Variants in TANGO6 observed in about 807,000 individuals in gnomAD.
TANGO6 encodes the protein transport and Golgi organization protein 6 homolog.
Under a neutral mutation model 114.2 loss-of-function variants are expected in TANGO6, and 90 were observed. The observed-to-expected ratio is 0.79, with a 90% CI of 0.66 to 0.94. The LOEUF is 0.94. Ranked by LOEUF, TANGO6 falls within the 40% of genes least tolerant of loss-of-function variation. TANGO6 has a pLI of 0.00. For missense variants in TANGO6, 1,274 were observed against 1,315.3 expected, an observed-to-expected ratio of 0.97 and a Z score of 0.49; for synonymous variants, 477 against 509.8, an observed-to-expected ratio of 0.94 and a Z score of 0.87.
chr16:68,916,277 C>T (rs1421052035), intron 11 of TANGO6, among the ~76,000 whole-genome samples: 1 of 152,112 alleles, frequency 6.6e-6, no homozygotes, highest in Admixed American at 6.5e-5. Flanking sequence ...TGAGCTTTAC[C>T]ACCTGAGCGC....
At chr16:69,005,568 C>G (rs1292369392) in intron 15 of TANGO6, among the ~76,000 whole-genome samples, 1 of 152,100 alleles carries the variant, frequency 6.6e-6, no homozygotes, top group Non-Finnish European at 1.5e-5. Context: ...GAGGCCAAGG[C>G]AGGTGTATCA....
intron 1 of TANGO6, among the ~76,000 whole-genome samples, chr16:68,851,624 A>T (rs528312026): frequency 1.3e-5 from 2 of 152,206 alleles, no homozygotes; most frequent in Admixed American, 6.5e-5. Context: ...ACTGCAATGA[A>T]TAGTCTTGTA....
intron 17 of TANGO6, among the ~76,000 whole-genome samples, chr16:69,061,746 G>A (rs753882647): frequency 1.6e-4 from 24 of 152,100 alleles, no homozygotes; most frequent in Non-Finnish European, 3.1e-4. Flanking sequence ...GGCCGGGCGC[G>A]CGGTGGCTCA....
At chr16:69,083,344 C>T in intron 17 of TANGO6, 141 bp from the exon 18 acceptor site, 1 of 1,080,640 alleles carries the variant, frequency 9.3e-7, no homozygotes. Context: ...CAGGCATGAG[C>T]CACTGCACCC....
rs61743006 is a variant in TANGO6, at chr16:68,875,212, C to A, written c.1053C>A (p.Asp351Glu). The A allele has an allele frequency of 4.8e-4, 770 of 1,613,676 alleles. 3 individuals are homozygous for A. In the African/African-American group the frequency reaches 8.1e-3, roughly 17 times the overall value. ...CGGCTGCTGACTGGAAGAAGTGTGA[C>A]CTGATCGCAAAGATTTTGGCCTCTT... is the stretch of plus-strand genomic sequence containing the variant. ...EVTAADWKKC[D>E]LIAKILASCP... Residue 351 changes from aspartate to glutamate, a missense_variant, in exon 5 of 18, where the codon GAC becomes GAA. Transcript: ENST00000261778.
At chr16:68,923,287 A>G (rs1047663010) in intron 12 of TANGO6, among the ~76,000 whole-genome samples, 9 of 152,054 alleles carry the variant, frequency 5.9e-5, no homozygotes, top group African/African-American at 2.2e-4. Context: ...ATCAAAGACC[A>G]TTGCTCAGAC....
intron 15 of TANGO6, among the ~76,000 whole-genome samples, chr16:68,989,714 G>C (rs529860569): frequency 6.6e-6 from 1 of 152,240 alleles, no homozygotes; most frequent in African/African-American, 2.4e-5. Flanking sequence ...AGAAACTGTG[G>C]TTTCTGATAT....
intron 7 of TANGO6, among the ~76,000 whole-genome samples, chr16:68,887,112 C>T (rs183767932): frequency 4.4e-4 from 67 of 152,278 alleles, no homozygotes; most frequent in Non-Finnish European, 7.4e-5. Flanking sequence ...TCGGCCCTTC[C>T]ATACTTTTGA....
chr16:68,955,013 C>A (rs1963511240), intron 14 of TANGO6, among the ~76,000 whole-genome samples: 1 of 152,138 alleles, frequency 6.6e-6, no homozygotes, highest in South Asian at 2.1e-4. Flanking sequence ...TGTTTCATGA[C>A]AACAAGGTTC....
intron 9 of TANGO6, among the ~76,000 whole-genome samples, chr16:68,905,678 C>A (rs935250176): frequency 2.9e-4 from 44 of 152,202 alleles, no homozygotes; most frequent in African/African-American, 1.0e-3. Flanking sequence ...TCTTGCCCAG[C>A]CTGGGCAATG....
At chr16:68,886,850 C>T (rs953753111) in intron 7 of TANGO6, among the ~76,000 whole-genome samples, 8 of 151,326 alleles carry the variant, frequency 5.3e-5, no homozygotes, top group Non-Finnish European at 1.2e-4. Flanking sequence ...CTCTGTCACG[C>T]AGGCTGGAGT....
intron 1 of TANGO6, among the ~76,000 whole-genome samples, chr16:68,844,206 G>A (rs944807347): frequency 6.6e-6 from 1 of 152,152 alleles, no homozygotes; most frequent in East Asian, 1.9e-4. Flanking sequence ...GTTACCAGGC[G>A]CTTTTAATCT....
At chr16:68,883,482 T>A (rs964952535) in intron 7 of TANGO6, among the ~76,000 whole-genome samples, 1 of 152,246 alleles carries the variant, frequency 6.6e-6, no homozygotes, top group African/African-American at 2.4e-5. Flanking sequence ...TTCATTTCTT[T>A]TCATTGCCAA....
intron 11 of TANGO6, among the ~76,000 whole-genome samples, chr16:68,913,308 C>G (rs1597017088): frequency 6.6e-6 from 1 of 151,480 alleles, no homozygotes; most frequent in African/African-American, 2.4e-5. Context: ...AGTCTGGGCC[C>G]TAGTAGCTGA....
At chr16:69,017,834 C>T (rs1959328141) in intron 15 of TANGO6, among the ~76,000 whole-genome samples, 1 of 152,078 alleles carries the variant, frequency 6.6e-6, no homozygotes, top group Admixed American at 6.6e-5. Context: ...AAGCCCCCTT[C>T]CTAACTCCAG....
intron 12 of TANGO6, among the ~76,000 whole-genome samples, chr16:68,926,268 C>T (rs930511542): frequency 3.3e-5 from 5 of 151,876 alleles, no homozygotes; most frequent in African/African-American, 1.2e-4. Context: ...CCAAGGTGGG[C>T]GGATCACCTG....
At chr16:69,079,214 C>T (rs1960429741) in intron 17 of TANGO6, among the ~76,000 whole-genome samples, 1 of 151,928 alleles carries the variant, frequency 6.6e-6, no homozygotes, top group African/African-American at 2.4e-5. Context: ...CCTGTAATCC[C>T]ACCTACTCCG....
At position 68,975,763 on chromosome 16, in the gene TANGO6, C is replaced by T. The variant is rs868535770; in HGVS notation, c.2842+1595C>T. Among the ~76,000 whole-genome samples the T allele has an allele frequency of 5.3e-5, 8 of 151,182 alleles. No individual in the cohort carries two copies. The South Asian group carries it at 1.5e-3, about 28-fold the overall frequency. ...GTAGAGGCAAGGTCTCACTATGTTG[C>T]CCAGGCTGGTCTCAAACTCCTGGGC... On this transcript the variant is annotated intron_variant, in intron 15 of 17. Transcript: ENST00000261778.
At position 68,924,925 on chromosome 16, in the gene TANGO6, G is replaced by A. The variant is rs553316269; in HGVS notation, c.2128-2643G>A. Among the ~76,000 whole-genome samples, 5 of 152,214 alleles carry A rather than the reference G, an allele frequency of 3.3e-5. No individual in the cohort carries two copies. In the South Asian group the frequency reaches 8.3e-4, roughly 25 times the overall value. The stretch of plus-strand genomic sequence containing the variant: ...TTGTGGGCACCTGGTTGTCCAGCCC[G>A]AGGCCAGGGATCCCAGGTCACACCC... On this transcript the variant is annotated intron_variant, in intron 12 of 17. Coordinates refer to ENST00000261778, the MANE Select transcript of TANGO6 (RefSeq NM_024562.2).
Sources: allele counts gnomAD v4.1 joint callset (sites outside exome capture counted in the v4.1 genomes callset), GRCh38; gene constraint gnomAD v4.1.1; transcripts MANE v1.5; gene names NCBI Gene and HGNC (gene_info 2026-07-23, HGNC 2026-07-21).